Variants in MYO10 observed in about 807,000 individuals in gnomAD.
MYO10 encodes myosin X.
Under a neutral mutation model 257.3 loss-of-function variants are expected in MYO10, and 133 were observed. The ratio of observed to expected loss-of-function variants is 0.52; its 90% CI spans 0.45 to 0.60. The LOEUF (loss-of-function observed/expected upper bound fraction) is 0.60, where lower values mean the gene tolerates loss of function less well. Ranked by LOEUF, MYO10 falls within the 20% of genes least tolerant of loss-of-function variation. MYO10 has a pLI of 0.00. For missense variants in MYO10, 2,399 were observed against 2,635.7 expected (o/e 0.91, Z 1.97); for synonymous variants, 1,104 against 1,028.6 (o/e 1.07, Z -1.40).
At chr5:16,897,026 G>A (rs888537092) in intron 1 of MYO10, among the ~76,000 whole-genome samples, 2 of 152,132 alleles carry the variant, frequency 1.3e-5, no homozygotes, top group Non-Finnish European at 2.9e-5. Context: ...AGGCAGGAAG[G>A]AAGGAAAGAA....
intron 2 of MYO10, among the ~76,000 whole-genome samples, chr5:16,836,728 A>C (rs1284337370): frequency 6.6e-6 from 1 of 152,196 alleles, no homozygotes; most frequent in Non-Finnish European, 1.5e-5. Context: ...AATATATATG[A>C]GTTAACTCAT....
intron 1 of MYO10, among the ~76,000 whole-genome samples, chr5:16,904,329 A>C (rs2126787075): frequency 6.6e-6 from 1 of 152,268 alleles, no homozygotes; most frequent in Non-Finnish European, 1.5e-5. Flanking sequence ...AGTAAACGTA[A>C]GCCAGTGTTC....
chr5:16,874,348 G>T (rs868508946), intron 2 of MYO10, among the ~76,000 whole-genome samples: 2,841 of 59,764 alleles, frequency 0.048, 307 homozygotes, highest in African/African-American at 0.13. Context: ...AAAAAGCGGG[G>T]GGGGGGGGGG....
chr5:16,700,626 A>C (rs399043), intron 25 of MYO10, among the ~76,000 whole-genome samples: 1 of 151,988 alleles, frequency 6.6e-6, no homozygotes, highest in Admixed American at 6.5e-5. Context: ...GCAGTGAGGC[A>C]AAATCCTGCC....
intron 2 of MYO10, among the ~76,000 whole-genome samples, chr5:16,853,791 A>G (rs1743882035): frequency 6.6e-6 from 1 of 152,142 alleles, no homozygotes; most frequent in South Asian, 2.1e-4. Context: ...GAGCGGGTCC[A>G]CACTGTCTAC....
intron 37 of MYO10, 54 bp from the exon 38 acceptor site, chr5:16,671,596 G>A (rs1342985873): frequency 6.2e-7 from 1 of 1,602,698 alleles, no homozygotes; most frequent in African/African-American, 1.3e-5. Flanking sequence ...GGCCTTCAGT[G>A]ACCCGCAGGG....
intron 30 of MYO10, among the ~76,000 whole-genome samples, chr5:16,682,533 G>T (rs562854805): frequency 6.6e-6 from 1 of 152,118 alleles, no homozygotes; most frequent in Non-Finnish European, 1.5e-5. Context: ...TCCTAGTCAC[G>T]GATAACGTGA....
At chr5:16,747,886 T>A (rs1740246892) in intron 19 of MYO10, among the ~76,000 whole-genome samples, 1 of 118,938 alleles carries the variant, frequency 8.4e-6, no homozygotes, top group Admixed American at 1.3e-4. Context: ...GCCACTGCAC[T>A]CTAGACTGGG....
chr5:16,761,557 T>C lies in MYO10; in HGVS notation c.1657-11A>G. The C allele has an allele frequency of 6.3e-7, 1 of 1,599,490 alleles. No individual in the cohort carries two copies. Among genetic ancestry groups the C allele is most frequent in the Non-Finnish European group, 8.6e-7 (1 of 1,167,200 alleles). The stretch of plus-strand genomic sequence containing the variant: ...GACATCATATTGCACCTAGTTTTAA[T>C]AAATAAGAGAGGAGAAAACTGATTG... On this transcript the variant is annotated splice_polypyrimidine_tract_variant and intron_variant, in intron 16 of 40. Transcript: ENST00000513610.
chr5:16,891,990 T>C (rs575764832), intron 1 of MYO10, among the ~76,000 whole-genome samples: 1 of 152,330 alleles, frequency 6.6e-6, no homozygotes, highest in South Asian at 2.1e-4. Context: ...TTGACTAGTA[T>C]TTACATCATA....
intron 3 of MYO10, among the ~76,000 whole-genome samples, chr5:16,804,308 C>T (rs1032467806): frequency 6.6e-6 from 1 of 152,202 alleles, no homozygotes; most frequent in Non-Finnish European, 1.5e-5. Context: ...ACAAAGGCTC[C>T]TTCCTCTGAG....
intron 5 of MYO10, among the ~76,000 whole-genome samples, chr5:16,782,921 G>T (rs112404616): frequency 3.3e-5 from 5 of 152,148 alleles, no homozygotes; most frequent in African/African-American, 1.2e-4. Context: ...TCGTCTCCAC[G>T]CTAAGCCCCC....
At chr5:16,720,710 G>A (rs1706981793) in intron 19 of MYO10, among the ~76,000 whole-genome samples, 1 of 152,138 alleles carries the variant, frequency 6.6e-6, no homozygotes, top group African/African-American at 2.4e-5. Context: ...CACCCGCCTT[G>A]GCCTCCCAAA....
At chr5:16,704,775 G>A (rs1738253010) in intron 21 of MYO10, 90 bp from the exon 22 acceptor site, 8 of 995,578 alleles carry the variant, frequency 8.0e-6, no homozygotes, top group Non-Finnish European at 1.2e-5. Flanking sequence ...CTGGAGTTAA[G>A]GCTTTTTTCT....
At chr5:16,900,224 TA>T (rs1307565898) in intron 1 of MYO10, among the ~76,000 whole-genome samples, 1 of 152,108 alleles carries the variant, frequency 6.6e-6, no homozygotes, top group African/African-American at 2.4e-5. Context: ...TTAAGACAAA[TA>T]AAACTAGACA....
intron 19 of MYO10, among the ~76,000 whole-genome samples, chr5:16,742,975 C>T (rs1740066643): frequency 6.6e-6 from 1 of 151,992 alleles, no homozygotes; most frequent in South Asian, 2.1e-4. Context: ...ACAAAATTAG[C>T]CGGGCATGGT....
chr5:16,904,568 T>A (rs554451852), intron 1 of MYO10, among the ~76,000 whole-genome samples: 12 of 152,238 alleles, frequency 7.9e-5, no homozygotes, highest in African/African-American at 2.9e-4. Flanking sequence ...CCAGCTGGTG[T>A]CTGCTGCAGA....
chr5:16,912,848 A>C (rs1554008421), intron 1 of MYO10, among the ~76,000 whole-genome samples: 30 of 147,624 alleles, frequency 2.0e-4, no homozygotes, highest in Non-Finnish European at 3.0e-5. Context: ...ACACACACAC[A>C]CCATGGTACC....
At chr5:16,800,158 T>A (rs1742080464) in intron 3 of MYO10, among the ~76,000 whole-genome samples, 1 of 152,152 alleles carries the variant, frequency 6.6e-6, no homozygotes, top group African/African-American at 2.4e-5. Flanking sequence ...ATAATATTGA[T>A]CTTTGTATCT....
Sources: allele counts gnomAD v4.1 joint callset (sites outside exome capture counted in the v4.1 genomes callset), GRCh38; gene constraint gnomAD v4.1.1; transcripts MANE v1.5; gene names NCBI Gene and HGNC (gene_info 2026-07-23, HGNC 2026-07-21).